Variants in SUGCT observed in about 807,000 individuals in gnomAD.
The protein encoded by SUGCT is succinyl-CoA:glutarate-CoA transferase.
A neutral mutation model predicts 55.0 loss-of-function variants in SUGCT; 41 were observed. The ratio of observed to expected loss-of-function variants is 0.74; its 90% CI spans 0.58 to 0.97. The LOEUF is 0.97. Ranked by LOEUF, SUGCT falls within the 50% of genes least tolerant of loss-of-function variation. The pLI, the probability that SUGCT is intolerant of heterozygous loss-of-function variation, is 0.00. For synonymous variants in SUGCT, 187 were observed against 200.4 expected (o/e 0.93, Z 0.56); for missense variants, 568 against 547.8 (o/e 1.04, Z -0.37).
In SUGCT at chr7:40,274,641, C is replaced by A. The variant is rs756172204; in HGVS notation, c.705C>A (p.Asn235Lys). Residue 235 changes from asparagine to lysine, a missense_variant, in exon 8 of 14, where the codon AAC becomes AAA. Asn to Lys is a moderately conservative substitution (Grantham distance 94). Coordinates refer to ENST00000335693, the MANE Select transcript of SUGCT (RefSeq NM_001193313.2). The stretch of plus-strand genomic sequence containing the variant: ...GGAAAGGACTGTTCATTGATTGTAA[C>A]CTACTGTCATCCCAGGTAACAATCC... ...KTGKGLFIDC[N>K]LLSSQVACLS... is the part of the protein sequence containing the mutation. The A allele has an allele frequency of 6.2e-7, 1 of 1,613,454 alleles. No homozygotes were observed. Among genetic ancestry groups the A allele is most frequent in the South Asian group, 1.1e-5 (1 of 91,028 alleles).
chr7:40,795,941 TC>T lies in SUGCT; in HGVS notation c.1153+46445del, dbSNP rs550504312. Among the ~76,000 whole-genome samples the T allele has an allele frequency of 6.6e-5, 10 of 152,320 alleles. No homozygotes were observed. In the South Asian group the frequency reaches 2.1e-3, roughly 32 times the overall value. On this transcript the variant is annotated intron_variant, in intron 13 of 13. Transcript: ENST00000335693. ...TAATAGGAACATTTTGAATATGTGATCTTTTACTTGAAATAATATAAATGAA... is the reference window on the plus strand; with the variant it reads ...TAATAGGAACATTTTGAATATGTGATTTTTACTTGAAATAATATAAATGAA...
chr7:40,351,413 C>CT (rs1458220405), intron 9 of SUGCT, among the ~76,000 whole-genome samples: 1 of 151,518 alleles, frequency 6.6e-6, no homozygotes, highest in Non-Finnish European at 1.5e-5. Context: ...TATTTTTTCT[C>CT]TTTTTAATAA....
chr7:40,204,273 G>A lies in SUGCT; in HGVS notation c.484+9213G>A, dbSNP rs542800230. 1.3e-4 allele frequency among the ~76,000 whole-genome samples: 19 copies of A among 151,394 alleles called. No homozygotes were observed. In the South Asian group the frequency reaches 2.3e-3, roughly 18 times the overall value. On this transcript the variant is annotated intron_variant, in intron 6 of 13. Coordinates refer to ENST00000335693, the MANE Select transcript of SUGCT (RefSeq NM_001193313.2). ...CCTGAAGTACTGAGATTACAGGCAT[G>A]AGCCAGCCACTGTGCCCAGCCTACT...
chr7:41,038,032 G>A, the SUGCT span, among the ~76,000 whole-genome samples: 1 of 152,168 alleles, frequency 6.6e-6, no homozygotes, highest in Non-Finnish European at 1.5e-5. Flanking sequence ...GCAAGCGGGG[G>A]AAGAGTGCTT....
intron 8 of SUGCT, among the ~76,000 whole-genome samples, chr7:40,297,817 A>G (rs1794260771): frequency 6.6e-6 from 1 of 152,130 alleles, no homozygotes; most frequent in Non-Finnish European, 1.5e-5. Flanking sequence ...AGCATGTCCT[A>G]TATACATGAA....
intron 12 of SUGCT, among the ~76,000 whole-genome samples, chr7:40,578,945 G>A (rs1796924442): frequency 6.6e-6 from 1 of 152,060 alleles, no homozygotes; most frequent in Admixed American, 6.5e-5. Context: ...AGTATTACCA[G>A]TTCTCAGAAG....
intron 6 of SUGCT, among the ~76,000 whole-genome samples, chr7:40,213,685 G>A (rs1017557495): frequency 6.6e-6 from 1 of 152,128 alleles, no homozygotes; most frequent in South Asian, 2.1e-4. Flanking sequence ...AGCAACATTT[G>A]TTCCTTCTTT....
intron 13 of SUGCT, among the ~76,000 whole-genome samples, chr7:40,827,163 A>G (rs1792355904): frequency 1.3e-5 from 2 of 152,264 alleles, no homozygotes; most frequent in Admixed American, 6.5e-5. Flanking sequence ...AGGGAAAGAG[A>G]AGCATAGGAA....
chr7:40,276,482 G>A (rs1792488000), intron 8 of SUGCT, among the ~76,000 whole-genome samples: 1 of 152,174 alleles, frequency 6.6e-6, no homozygotes, highest in Non-Finnish European at 1.5e-5. Context: ...AGGCCCTATA[G>A]TTTTTATTTA....
At chr7:40,967,179 C>T in the SUGCT span, 1 of 152,342 alleles carries the variant, frequency 6.6e-6, no homozygotes, top group South Asian at 2.1e-4. Flanking sequence ...CCCATCACCA[C>T]AGAGTCTCAT....
chr7:40,917,361 G>T, the SUGCT span, among the ~76,000 whole-genome samples: 3 of 152,162 alleles, frequency 2.0e-5, no homozygotes, highest in Non-Finnish European at 4.4e-5. Context: ...ATAAGTTAGG[G>T]TAGTAGGTTA....
At chr7:40,771,407 T>C (rs891175550) in intron 13 of SUGCT, among the ~76,000 whole-genome samples, 1 of 152,148 alleles carries the variant, frequency 6.6e-6, no homozygotes, top group African/African-American at 2.4e-5. Context: ...AGTAACACAA[T>C]ATACAATTTA....
chr7:41,007,765 T>C, the SUGCT span, among the ~76,000 whole-genome samples: 1 of 149,844 alleles, frequency 6.7e-6, no homozygotes, highest in African/African-American at 2.5e-5. Context: ...AGCATGGAAT[T>C]TGCTTTAAGT....
chr7:40,232,883 A>G (rs995603024), intron 6 of SUGCT, among the ~76,000 whole-genome samples: 25 of 152,326 alleles, frequency 1.6e-4, no homozygotes, highest in Middle Eastern at 6.8e-3. Flanking sequence ...ATCGATATGC[A>G]TACATTTTTC....
chr7:40,268,021 T>A (rs149748298), intron 7 of SUGCT, among the ~76,000 whole-genome samples: 2 of 152,220 alleles, frequency 1.3e-5, no homozygotes, highest in African/African-American at 4.8e-5. Flanking sequence ...TAAGCAGGTC[T>A]TTAAAGATTT....
the SUGCT span, among the ~76,000 whole-genome samples, chr7:41,002,029 TG>T: frequency 3.9e-5 from 6 of 152,310 alleles, no homozygotes; most frequent in East Asian, 9.7e-4. Flanking sequence ...AACTTTTTTT[TG>T]TTTGTTTATT....
At chr7:40,355,438 A>G (rs893447726) in intron 9 of SUGCT, among the ~76,000 whole-genome samples, 4 of 152,198 alleles carry the variant, frequency 2.6e-5, no homozygotes, top group African/African-American at 7.2e-5. Flanking sequence ...AATATTAACC[A>G]TATATGCTCC....
intron 9 of SUGCT, among the ~76,000 whole-genome samples, chr7:40,371,245 G>C (rs1198216004): frequency 6.6e-6 from 1 of 152,120 alleles, no homozygotes; most frequent in African/African-American, 2.4e-5. Context: ...GTTGCTTTCA[G>C]TGACTACAAA....
At chr7:40,328,775 G>A (rs1229277521) in intron 9 of SUGCT, among the ~76,000 whole-genome samples, 1 of 152,008 alleles carries the variant, frequency 6.6e-6, no homozygotes, top group Non-Finnish European at 1.5e-5. Context: ...GTGTGTATGT[G>A]TATGTGTTTT....
Sources: allele counts gnomAD v4.1 joint callset (sites outside exome capture counted in the v4.1 genomes callset), GRCh38; gene constraint gnomAD v4.1.1; transcripts MANE v1.5; gene names NCBI Gene and HGNC (gene_info 2026-07-23, HGNC 2026-07-21).